Variants in PAMR1 observed in about 807,000 individuals in gnomAD.
PAMR1 encodes the protein peptidase domain containing associated with muscle regeneration 1, also known as inactive serine protease PAMR1.
In PAMR1, 88 loss-of-function variants were observed where a neutral mutation model predicts 81.8. That is an observed-to-expected ratio of 1.08 (90% CI 0.91 to 1.28). The LOEUF is 1.28. Ranked by LOEUF, PAMR1 falls within the 50% of genes most tolerant of loss-of-function variation. The pLI, the probability that PAMR1 is intolerant of heterozygous loss-of-function variation, is 0.00. For missense variants in PAMR1, 935 were observed against 919.7 expected, an observed-to-expected ratio of 1.02 and a Z score of -0.21; for synonymous variants, 336 against 345.3, an observed-to-expected ratio of 0.97 and a Z score of 0.30.
At position 35,441,633 on chromosome 11, in the gene PAMR1, G is replaced by A; in HGVS notation, c.881C>T (p.Thr294Ile). Reference protein sequence around the residue: ...GGPVNGYQKITGGPGLINGRH... With the variant: ...GGPVNGYQKIIGGPGLINGRH... ...TCCGTTGATAAGCCCAGGGCCCCCT[G>A]TTATTTTCTGGTACCCATTGACTGG... The change falls in exon 7 of 11, where the codon ACA (threonine) becomes ATA (isoleucine). Residue 294 changes from threonine (T) to isoleucine (I), a missense_variant. Thr to Ile is a moderately conservative substitution (Grantham distance 89). Transcript: ENST00000619888. 1 of 1,613,938 alleles carries A rather than the reference G, an allele frequency of 6.2e-7. No individual in the cohort carries two copies. Among genetic ancestry groups the A allele is most frequent in the Non-Finnish European group, 8.5e-7 (1 of 1,179,878 alleles).
At chr11:35,491,503 G>A (rs564541793) in intron 3 of PAMR1, among the ~76,000 whole-genome samples, 1 of 152,280 alleles carries the variant, frequency 6.6e-6, no homozygotes, top group East Asian at 1.9e-4. Context: ...GACTGAACGA[G>A]AGATTAGATT....
At chr11:35,465,338 C>A (rs1856737127) in intron 6 of PAMR1, among the ~76,000 whole-genome samples, 1 of 152,098 alleles carries the variant, frequency 6.6e-6, no homozygotes, top group Admixed American at 6.5e-5. Flanking sequence ...AGAGCCTAGT[C>A]TAATTTGGGC....
chr11:35,453,084 T>C (rs889053891), intron 6 of PAMR1, among the ~76,000 whole-genome samples: 12 of 152,344 alleles, frequency 7.9e-5, no homozygotes, highest in African/African-American at 2.9e-4. Flanking sequence ...AATTACATAA[T>C]GTCCCCAAGC....
At chr11:35,434,364 A>G in intron 10 of PAMR1, 148 bp downstream of exon 10, 2 of 671,428 alleles carry the variant, frequency 3.0e-6, no homozygotes, top group Non-Finnish European at 5.0e-6. Flanking sequence ...TAGTATCTCA[A>G]TATGAAATAA....
At chr11:35,434,486 G>C in intron 10 of PAMR1, 26 bp downstream of exon 10, 1 of 1,597,912 alleles carries the variant, frequency 6.3e-7, no homozygotes, top group Non-Finnish European at 8.6e-7. Context: ...CAGAGCCCCA[G>C]CTTCCAAGTG....
intron 9 of PAMR1, among the ~76,000 whole-genome samples, chr11:35,435,477 A>G (rs1464245737): frequency 2.6e-5 from 4 of 152,048 alleles, no homozygotes; most frequent in Non-Finnish European, 5.9e-5. Flanking sequence ...CAAAATGCTG[A>G]GATTACAGGC....
intron 1 of PAMR1, among the ~76,000 whole-genome samples, chr11:35,515,084 A>C (rs903507073): frequency 6.6e-6 from 1 of 152,236 alleles, no homozygotes; most frequent in Non-Finnish European, 1.5e-5. Context: ...GACATTAAAA[A>C]CAATGAAATA....
At chr11:35,448,876 G>T (rs753196148) in intron 6 of PAMR1, among the ~76,000 whole-genome samples, 3 of 152,058 alleles carry the variant, frequency 2.0e-5, no homozygotes, top group Non-Finnish European at 2.9e-5. Context: ...TCTTTTAACA[G>T]CCAGGCCCCT....
At chr11:35,504,132 A>G (rs113933247) in intron 1 of PAMR1, among the ~76,000 whole-genome samples, 10 of 152,240 alleles carry the variant, frequency 6.6e-5, no homozygotes, top group African/African-American at 2.4e-4. Context: ...TGAAATGATC[A>G]CATGGTTTTT....
Position 35,434,625 on chromosome 11 carries a change from A to C in PAMR1, c.1513T>G (p.Cys505Gly), listed in dbSNP as rs768491202. ...GTGACCTTCCCCAGGTCAGTAACACAGTGGGCAGCCACCACCACAGTGCGC... is the reference window on the plus strand; with the variant it reads ...GTGACCTTCCCCAGGTCAGTAACACCGTGGGCAGCCACCACCACAGTGCGC... ...NERTVVVAAH[C>G]VTDLGKVTMI... Residue 505 changes from cysteine (C) to glycine (G), a missense_variant, in exon 10 of 11, where the codon TGT becomes GGT. Transcript: ENST00000619888. 6.2e-7 allele frequency: 1 copy of C among 1,614,108 alleles called. No individual in the cohort carries two copies. Among genetic ancestry groups the C allele is most frequent in the East Asian group, 2.2e-5 (1 of 44,882 alleles).
intron 3 of PAMR1, among the ~76,000 whole-genome samples, chr11:35,488,197 C>CTTTTTTTTTTTTT (rs35884320): frequency 2.3e-5 from 2 of 88,032 alleles, no homozygotes; most frequent in African/African-American, 4.3e-5. Context: ...CCTTTCCCAT[C>CTTTTTTTTTTTTT]TTTTTTTTTT....
chr11:35,453,803 T>C (rs1170797759), intron 6 of PAMR1, among the ~76,000 whole-genome samples: 1 of 152,202 alleles, frequency 6.6e-6, no homozygotes, highest in Non-Finnish European at 1.5e-5. Context: ...TTTAAAATAT[T>C]TGCATTTCTG....
chr11:35,457,220 C>T (rs557781457), intron 6 of PAMR1, among the ~76,000 whole-genome samples: 2 of 152,142 alleles, frequency 1.3e-5, no homozygotes, highest in Non-Finnish European at 2.9e-5. Context: ...CCAGTGTGGG[C>T]AGGCATCATC....
chr11:35,523,289 G>T (rs1423184465), intron 1 of PAMR1, among the ~76,000 whole-genome samples: 1 of 152,082 alleles, frequency 6.6e-6, no homozygotes, highest in Non-Finnish European at 1.5e-5. Flanking sequence ...TTCCCTGGTT[G>T]CATTTATGTT....
chr11:35,526,482 G>A (rs1590409258), upstream of PAMR1, among the ~76,000 whole-genome samples: 1 of 144,722 alleles, frequency 6.9e-6, no homozygotes, highest in Non-Finnish European at 1.6e-5. Context: ...TTCATAATAG[G>A]TGACTTTTTA....
chr11:35,495,142 T>C (rs2135402866), intron 1 of PAMR1, among the ~76,000 whole-genome samples: 1 of 152,346 alleles, frequency 6.6e-6, no homozygotes, highest in East Asian at 1.9e-4. Context: ...AAGTAGAGAC[T>C]ATGTCATTTC....
chr11:35,528,934 G>T (rs1851429025), upstream of PAMR1: 1 of 152,230 alleles, frequency 6.6e-6, no homozygotes, highest in African/African-American at 2.4e-5. Context: ...AGAAGTCAAA[G>T]CAGTAATCAG....
intron 5 of PAMR1, 151 bp downstream of exon 5, chr11:35,470,450 C>T (rs1856832442): frequency 1.6e-6 from 1 of 634,320 alleles, no homozygotes; most frequent in Non-Finnish European, 2.8e-6. Flanking sequence ...ATATACCTTG[C>T]TATTTCTTTT....
intron 3 of PAMR1, among the ~76,000 whole-genome samples, chr11:35,487,278 T>G (rs1372970157): frequency 6.6e-6 from 1 of 151,262 alleles, no homozygotes; most frequent in African/African-American, 2.4e-5. Flanking sequence ...ACTTAGAAAC[T>G]CTACTCTCTG....
Sources: allele counts gnomAD v4.1 joint callset (sites outside exome capture counted in the v4.1 genomes callset), GRCh38; gene constraint gnomAD v4.1.1; transcripts MANE v1.5; gene names NCBI Gene and HGNC (gene_info 2026-07-23, HGNC 2026-07-21).